The following LPP variants were observed in gnomAD, a reference collection of about 807,000 sequenced individuals.
The protein encoded by LPP is lipoma-preferred partner.
A neutral mutation model predicts 60.4 loss-of-function variants in LPP; 38 were observed. The observed-to-expected ratio is 0.63, with a 90% CI of 0.49 to 0.83. The LOEUF is 0.83. Ranked by LOEUF, LPP falls within the 40% of genes least tolerant of loss-of-function variation. The pLI is 0.00. For missense variants in LPP, 902 were observed against 783.6 expected (o/e 1.15, Z -1.80); for synonymous variants, 328 against 290.8 (o/e 1.13, Z -1.30).
chr3:188,431,058 A>G (rs1486640058), intron 4 of LPP, among the ~76,000 whole-genome samples: 1 of 152,120 alleles, frequency 6.6e-6, no homozygotes. Flanking sequence ...TAAGCAGCTT[A>G]TCTCATACAG....
intron 1 of LPP, among the ~76,000 whole-genome samples, chr3:188,218,125 G>C (rs116573140): frequency 6.6e-6 from 1 of 152,238 alleles, no homozygotes. Flanking sequence ...GGAAGGCTCA[G>C]TGGGAGCCCA....
rs1833825863 is a variant in LPP, at chr3:188,572,851, T to A, written c.430-36310T>A. On this transcript the variant is annotated intron_variant, in intron 6 of 11. Coordinates refer to ENST00000617246, the MANE Select transcript of LPP (RefSeq NM_001375462.1). The surrounding 1 kb of genome is among the most constrained non-coding windows in gnomAD (Gnocchi z 4.1). ...AAGGAGTTCTTTGCAGACTAATAGT[T>A]GTCATTTCCAACACTTTTGACCTCC... 6.6e-6 allele frequency among the ~76,000 whole-genome samples: 1 copy of A among 152,100 alleles called. No individual in the cohort carries two copies. The highest frequency in any genetic ancestry group is 1.5e-5 in the Non-Finnish European group (1 of 68,024).
At chr3:188,373,260 T>A (rs1773845084) in intron 3 of LPP, among the ~76,000 whole-genome samples, 1 of 152,240 alleles carries the variant, frequency 6.6e-6, no homozygotes, top group Admixed American at 6.5e-5. Context: ...TTTCTAGTTC[T>A]AGATCCCTGA....
chr3:188,192,754 G>A (rs1160647288), intron 1 of LPP, among the ~76,000 whole-genome samples: 1 of 152,150 alleles, frequency 6.6e-6, no homozygotes, highest in Non-Finnish European at 1.5e-5. Flanking sequence ...TGCAGTGAGT[G>A]ACATCCATGA....
At chr3:188,710,189 G>A (rs1161705183) in intron 8 of LPP, 1 of 152,168 alleles carries the variant, frequency 6.6e-6, no homozygotes, top group African/African-American at 2.4e-5. Flanking sequence ...GACCACACCA[G>A]TCCAAAAACA....
At chr3:188,780,862 A>G (rs1739413393) in intron 9 of LPP, among the ~76,000 whole-genome samples, 1 of 152,084 alleles carries the variant, frequency 6.6e-6, no homozygotes. Flanking sequence ...CTTTCCAGTA[A>G]TCCCAGTGCT....
chr3:188,691,658 G>A (rs1440933689), intron 7 of LPP, among the ~76,000 whole-genome samples: 1 of 152,214 alleles, frequency 6.6e-6, no homozygotes, highest in African/African-American at 2.4e-5. Flanking sequence ...CGGACCCAGA[G>A]AGGTGAAATG....
Position 188,845,192 on chromosome 3 carries a change from A to G in LPP, c.1411-21008A>G, listed in dbSNP as rs147832755. On this transcript the variant is annotated intron_variant, in intron 9 of 11. Transcript: ENST00000617246. ...AAAGCCCTGGTTCATGCCATTTTCT[A>G]AAGAAGTACCTAGAAGGCCATAATC... Among the ~76,000 whole-genome samples the G allele has an allele frequency of 2.0e-3, 305 of 152,336 alleles. 2 individuals are homozygous for G. Among genetic ancestry groups the G allele is most frequent in the African/African-American group, 6.9e-3 (287 of 41,582 alleles).
intron 7 of LPP, among the ~76,000 whole-genome samples, chr3:188,691,883 G>A (rs962812617): frequency 1.3e-5 from 2 of 152,080 alleles, no homozygotes; most frequent in African/African-American, 4.8e-5. Flanking sequence ...GTGTGATAGT[G>A]CCTCATATCC....
chr3:188,602,378 A>G (rs1313420789), intron 6 of LPP, among the ~76,000 whole-genome samples: 1 of 151,168 alleles, frequency 6.6e-6, no homozygotes, highest in Non-Finnish European at 1.5e-5. Flanking sequence ...TAAAATGATG[A>G]TGTAATTTTT....
intron 7 of LPP, among the ~76,000 whole-genome samples, chr3:188,667,190 A>G (rs1405053004): frequency 6.6e-6 from 1 of 152,090 alleles, no homozygotes; most frequent in Non-Finnish European, 1.5e-5. Flanking sequence ...AATCTTCGGT[A>G]GGAGTTGGCT....
chr3:188,158,005 A>G (rs1717032144), intron 1 of LPP, among the ~76,000 whole-genome samples: 1 of 152,182 alleles, frequency 6.6e-6, no homozygotes, highest in African/African-American at 2.4e-5. Flanking sequence ...CTTTTTAATA[A>G]GTAAGGTTTA....
intron 2 of LPP, among the ~76,000 whole-genome samples, chr3:188,231,507 C>T (rs55957532): frequency 6.6e-6 from 1 of 152,052 alleles, no homozygotes; most frequent in African/African-American, 2.4e-5. Flanking sequence ...TGCCGTGTTC[C>T]CTTACCTCTG....
rs71167082 is a variant in LPP, at chr3:188,249,884, C to CAT, written c.-67+24374_-67+24375dup. ...CACACACACACAGTCTCCCCCACCC[C>CAT]ATATATATATATATATATTTTTTTT... On this transcript the variant is annotated intron_variant, in intron 2 of 11. Transcript: ENST00000617246. Among the ~76,000 whole-genome samples the CAT allele has an allele frequency of 6.1e-4, 71 of 117,234 alleles. 1 individual carries two copies. Among genetic ancestry groups the CAT allele is most frequent in the African/African-American group, 1.4e-3 (39 of 27,414 alleles). The allele number at this position is 117,234 out of a possible 152,430, so 76.9% of individuals were successfully genotyped here. A position where few individuals can be genotyped will look rare whatever the true frequency, so the allele number is the denominator to read the frequency against.
chr3:188,478,271 G>A (rs1335758046), intron 4 of LPP, among the ~76,000 whole-genome samples: 2 of 152,110 alleles, frequency 1.3e-5, no homozygotes, highest in East Asian at 3.8e-4. Flanking sequence ...CTAATCACTT[G>A]CACGTAATTT....
At chr3:188,861,209 G>A (rs1007692401) in intron 9 of LPP, among the ~76,000 whole-genome samples, 7 of 152,182 alleles carry the variant, frequency 4.6e-5, no homozygotes, top group Non-Finnish European at 8.8e-5. Context: ...TCCTGGGCTA[G>A]TGTAATCTCT....
chr3:188,234,865 C>G (rs888137683), intron 2 of LPP, among the ~76,000 whole-genome samples: 1 of 152,184 alleles, frequency 6.6e-6, no homozygotes, highest in African/African-American at 2.4e-5. Context: ...GTCAGAAAGG[C>G]AGGTGATCCT....
At chr3:188,594,157 G>A (rs1012692570) in intron 6 of LPP, among the ~76,000 whole-genome samples, 1 of 152,120 alleles carries the variant, frequency 6.6e-6, no homozygotes, top group Admixed American at 6.6e-5. Context: ...GAATTACCTA[G>A]GCCATAGCAC....
chr3:188,458,110 A>G (rs577961771), intron 4 of LPP, among the ~76,000 whole-genome samples: 3 of 152,322 alleles, frequency 2.0e-5, no homozygotes, highest in Non-Finnish European at 4.4e-5. Context: ...TTAGAGTTCC[A>G]GTGCAAACAG....
Sources: allele counts gnomAD v4.1 joint callset (sites outside exome capture counted in the v4.1 genomes callset), GRCh38; gene constraint gnomAD v4.1.1; non-coding constraint Gnocchi (gnomAD v3.1); transcripts MANE v1.5; gene names NCBI Gene and HGNC (gene_info 2026-07-23, HGNC 2026-07-21).